Variants in TMEM178B observed in about 807,000 individuals in gnomAD.
TMEM178B encodes the protein transmembrane protein 178B.
A neutral mutation model predicts 31.0 loss-of-function variants in TMEM178B; 5 were observed. The observed-to-expected ratio is 0.16, with a 90% confidence interval of 0.08 to 0.34. The LOEUF is 0.34. Ranked by LOEUF, TMEM178B falls within the 10% of genes least tolerant of loss-of-function variation. The pLI, the probability that TMEM178B is intolerant of heterozygous loss-of-function variation, is 1.00. For missense variants in TMEM178B, 275 were observed against 400.3 expected, an observed-to-expected ratio of 0.69 and a Z score of 2.67; for synonymous variants, 164 against 164.0, an observed-to-expected ratio of 1.00 and a Z score of 0.00.
rs187519895 is a variant in TMEM178B at position 141,275,901 on chromosome 7, G to A, written c.496+63197G>A. Among the ~76,000 whole-genome samples, 61 of 152,296 alleles carry A rather than the reference G, an allele frequency of 4.0e-4. 1 individual carries two copies. The highest frequency in any genetic ancestry group is 1.2e-3 in the African/African-American group (50 of 41,570). Reference sequence around the variant, plus strand: ...ATTTGTGAAGATTCAGAGGCTCCTCGTGCTACAATGGATGTGTTCATGGAG... The same window carrying A: ...ATTTGTGAAGATTCAGAGGCTCCTCATGCTACAATGGATGTGTTCATGGAG... On this transcript the variant is annotated intron_variant, in intron 2 of 3. Transcript: ENST00000565468.
intron 2 of TMEM178B, among the ~76,000 whole-genome samples, chr7:141,378,184 G>A (rs191218478): frequency 3.3e-5 from 5 of 152,208 alleles, no homozygotes; most frequent in Non-Finnish European, 7.4e-5. Flanking sequence ...TTTTCTCATA[G>A]TTAGACCGGG....
chr7:141,200,980 T>G (rs908298026), intron 1 of TMEM178B, among the ~76,000 whole-genome samples: 24 of 152,092 alleles, frequency 1.6e-4, no homozygotes, highest in African/African-American at 5.3e-4. Context: ...ATTGCTAATT[T>G]GTAGAATGAC....
At position 141,263,002 on chromosome 7, in the gene TMEM178B, A is replaced by C. The variant is rs181959641; in HGVS notation, c.496+50298A>C. Among the ~76,000 whole-genome samples, 10 of 152,214 alleles carry C rather than the reference A, an allele frequency of 6.6e-5. No homozygotes were observed. The East Asian group carries it at 1.7e-3, about 26-fold the overall frequency. Reference sequence around the variant, plus strand: ...AGGCTTTCCATTTCCACTGGTATCCAAATGCTGACATTTCTTCTTCCTGTA... The same window carrying C: ...AGGCTTTCCATTTCCACTGGTATCCCAATGCTGACATTTCTTCTTCCTGTA... On this transcript the variant is annotated intron_variant, in intron 2 of 3. Coordinates refer to ENST00000565468, the MANE Select transcript of TMEM178B (RefSeq NM_001195278.2).
At chr7:141,295,769 T>C (rs1338487011) in intron 2 of TMEM178B, among the ~76,000 whole-genome samples, 1 of 152,118 alleles carries the variant, frequency 6.6e-6, no homozygotes. Flanking sequence ...TTAGAGCAGG[T>C]ATTTTGGCTG....
At chr7:141,410,509 T>C (rs1586942415) in intron 2 of TMEM178B, among the ~76,000 whole-genome samples, 1 of 137,010 alleles carries the variant, frequency 7.3e-6, no homozygotes, top group East Asian at 2.5e-4. Flanking sequence ...CCTTCCCTCC[T>C]TCCTTCCTTC....
At chr7:141,231,822 G>A (rs891016145) in intron 2 of TMEM178B, among the ~76,000 whole-genome samples, 2 of 151,958 alleles carry the variant, frequency 1.3e-5, no homozygotes, top group African/African-American at 2.4e-5. Flanking sequence ...TTTAAGTTCC[G>A]GGGCACATGT....
At chr7:141,279,340 T>G (rs1798316286) in intron 2 of TMEM178B, among the ~76,000 whole-genome samples, 1 of 152,246 alleles carries the variant, frequency 6.6e-6, no homozygotes, top group Non-Finnish European at 1.5e-5. Flanking sequence ...AGAATGTTCT[T>G]TATTTTATGA....
At chr7:141,271,660 T>G (rs908532009) in intron 2 of TMEM178B, among the ~76,000 whole-genome samples, 3 of 152,196 alleles carry the variant, frequency 2.0e-5, no homozygotes, top group African/African-American at 7.2e-5. Flanking sequence ...TGATCTTGGC[T>G]CCAGCGTTGA....
intron 1 of TMEM178B, among the ~76,000 whole-genome samples, chr7:141,128,671 C>T (rs1255127751): frequency 2.6e-5 from 4 of 152,132 alleles, no homozygotes; most frequent in African/African-American, 4.8e-5. Context: ...GGCAGAATTC[C>T]GGGGCCCACG....
chr7:141,246,886 C>G (rs956157285), intron 2 of TMEM178B, among the ~76,000 whole-genome samples: 1 of 152,150 alleles, frequency 6.6e-6, no homozygotes, highest in Non-Finnish European at 1.5e-5. Flanking sequence ...CCCCAGCACT[C>G]TTTTCCCCAT....
chr7:141,489,474 T>G, the TMEM178B span, among the ~76,000 whole-genome samples: 2 of 152,218 alleles, frequency 1.3e-5, no homozygotes. Flanking sequence ...TTCCTGTTGT[T>G]AGCGATTTTG....
rs1434755098 is a variant in TMEM178B at position 141,479,543 on chromosome 7, A to G, written c.*8757A>G. On this transcript the variant is annotated 3_prime_UTR_variant, in exon 4 of 4. Coordinates refer to ENST00000565468, the MANE Select transcript of TMEM178B (RefSeq NM_001195278.2). ...TAGGTATCGAGATCTTAATGGAGAG[A>G]ACAGAATAAAATGCAAGGAGCCAAC... is the stretch of plus-strand genomic sequence containing the variant. 6.6e-6 allele frequency: 1 copy of G among 152,224 alleles called. No individual in the cohort carries two copies. The allele number at this position is 152,224 out of a possible 1,614,324, so 9.4% of individuals were successfully genotyped here.
At chr7:141,481,131 A>G (rs368086504), downstream of TMEM178B, among the ~76,000 whole-genome samples, 78 of 152,314 alleles carry the variant, frequency 5.1e-4, no homozygotes, top group African/African-American at 1.7e-3. Context: ...GGCTGCTGCT[A>G]CTGCCCTGAG....
chr7:141,303,827 G>A (rs987633682), intron 2 of TMEM178B, among the ~76,000 whole-genome samples: 1 of 152,192 alleles, frequency 6.6e-6, no homozygotes, highest in African/African-American at 2.4e-5. Flanking sequence ...ATTAATAATG[G>A]ACAAATGCTA....
intron 1 of TMEM178B, among the ~76,000 whole-genome samples, chr7:141,122,888 A>G (rs1027708948): frequency 2.0e-5 from 3 of 152,222 alleles, no homozygotes; most frequent in Non-Finnish European, 4.4e-5. Context: ...ATAGCCAAAC[A>G]TTATTTCCTG....
the TMEM178B span, among the ~76,000 whole-genome samples, chr7:141,488,078 T>TAA: frequency 1.4e-5 from 2 of 142,026 alleles, no homozygotes; most frequent in South Asian, 2.3e-4. Context: ...GGTTGGGACC[T>TAA]AAAAAAAAAA....
At chr7:141,351,331 T>A (rs935550021) in intron 2 of TMEM178B, among the ~76,000 whole-genome samples, 4 of 152,264 alleles carry the variant, frequency 2.6e-5, no homozygotes, top group Admixed American at 6.5e-5. Flanking sequence ...GCATTTACAG[T>A]CAGCTGAAGT....
rs1802298682 is a variant in TMEM178B, at chr7:141,473,730, C to T, written c.*2944C>T. ...TAGCAGGACCAGATAAATACGAACA[C>T]ACTTTGGGATCTGATCCTGCTGGGA... On this transcript the variant is annotated 3_prime_UTR_variant, in exon 4 of 4. Coordinates refer to ENST00000565468, the MANE Select transcript of TMEM178B (RefSeq NM_001195278.2). The T allele has an allele frequency of 6.6e-6, 1 of 152,214 alleles. No individual in the cohort carries two copies. The highest frequency in any genetic ancestry group is 6.5e-5 in the Admixed American group (1 of 15,274). 9.4% of individuals were successfully genotyped at this position (152,214 alleles called of 1,614,324 possible).
chr7:141,187,561 G>A (rs1796630485), intron 1 of TMEM178B, among the ~76,000 whole-genome samples: 1 of 152,178 alleles, frequency 6.6e-6, no homozygotes, highest in Admixed American at 6.5e-5. Context: ...CCCACCAACA[G>A]TGTAAAAGTG....
Sources: allele counts gnomAD v4.1 joint callset (sites outside exome capture counted in the v4.1 genomes callset), GRCh38; gene constraint gnomAD v4.1.1; transcripts MANE v1.5; gene names NCBI Gene and HGNC (gene_info 2026-07-23, HGNC 2026-07-21).